DGKB: variants seen among roughly 807,000 people sequenced by gnomAD.
DGKB encodes the protein diacylglycerol kinase beta, also known as 90 kDa diacylglycerol kinase.
Under a neutral mutation model 114.3 loss-of-function variants are expected in DGKB, and 67 were observed. That is an observed-to-expected ratio of 0.59 (90% CI 0.48 to 0.72). DGKB has a LOEUF of 0.72. DGKB is among the 30% of genes least tolerant of loss of function. DGKB has a pLI of 0.00. For missense variants in DGKB, 907 were observed against 975.2 expected (o/e 0.93, Z 0.93); for synonymous variants, 398 against 323.1 (o/e 1.23, Z -2.49).
At chr7:14,366,699 A>G (rs1816734815) in intron 21 of DGKB, among the ~76,000 whole-genome samples, 1 of 152,166 alleles carries the variant, frequency 6.6e-6, no homozygotes, top group African/African-American at 2.4e-5. Context: ...TGAACTGAGA[A>G]GGGATTTTAT....
At chr7:14,690,729 G>C (rs1022045067) in intron 9 of DGKB, among the ~76,000 whole-genome samples, 2 of 152,208 alleles carry the variant, frequency 1.3e-5, no homozygotes, top group African/African-American at 4.8e-5. Context: ...TCCCTCTGCA[G>C]ACAGTTTCCA....
chr7:14,912,822 G>T (rs180990257), intron 1 of DGKB, among the ~76,000 whole-genome samples: 4 of 152,108 alleles, frequency 2.6e-5, no homozygotes, highest in Admixed American at 1.3e-4. Context: ...TGTCCCATAC[G>T]TCTACCTCTT....
chr7:14,856,529 A>G (rs1850174184), intron 1 of DGKB, among the ~76,000 whole-genome samples: 1 of 152,136 alleles, frequency 6.6e-6, no homozygotes, highest in African/African-American at 2.4e-5. Context: ...TTGAACTTTT[A>G]TAAAACTTGT....
rs1378507717 is a variant in DGKB, at chr7:14,549,459, CTATA to C, written c.1770+24749_1770+24752del. On this transcript the variant is annotated intron_variant, in intron 20 of 25. Coordinates refer to ENST00000402815, the MANE Select transcript of DGKB (RefSeq NM_001350709.2). ...CTGTTTTCTTCTTTCACCAAATAACCTATATAGTTATTTTAAAATATTCTATTTA... is the reference window on the plus strand; with the variant it reads ...CTGTTTTCTTCTTTCACCAAATAACCTAGTTATTTTAAAATATTCTATTTA... Among the ~76,000 whole-genome samples, 4 of 146,130 alleles carry C rather than the reference CTATA, an allele frequency of 2.7e-5. No individual in the cohort carries two copies. The East Asian group carries it at 5.8e-4, about 21-fold the overall frequency.
intron 23 of DGKB, among the ~76,000 whole-genome samples, chr7:14,181,753 C>T (rs1297684271): frequency 1.3e-5 from 2 of 152,090 alleles, no homozygotes; most frequent in East Asian, 1.9e-4. Context: ...TAGAGGAAGA[C>T]GTTGCTTTTG....
intron 20 of DGKB, among the ~76,000 whole-genome samples, chr7:14,562,375 C>T (rs993125240): frequency 2.0e-5 from 3 of 152,188 alleles, no homozygotes; most frequent in Non-Finnish European, 4.4e-5. Context: ...CCCACTGGGA[C>T]ACTGCCTAGT....
At chr7:14,926,470 C>A (rs1314744712) in intron 1 of DGKB, among the ~76,000 whole-genome samples, 3 of 150,466 alleles carry the variant, frequency 2.0e-5, no homozygotes, top group African/African-American at 4.9e-5. Flanking sequence ...ATTTTTTTCT[C>A]ATTGCTTTGC....
chr7:14,657,715 C>G lies in DGKB; in HGVS notation c.1134+15214G>C, dbSNP rs867354091. 2.0e-5 allele frequency among the ~76,000 whole-genome samples: 3 copies of G among 152,034 alleles called. No homozygotes were observed. In the South Asian group the frequency reaches 6.2e-4, roughly 31 times the overall value. ...TATGTTCACACCTCCCCACCAGACT[C>G]TGCATTTCTGGAAGTTTTATAACTA... On this transcript the variant is annotated intron_variant, in intron 13 of 25. Coordinates refer to ENST00000402815, the MANE Select transcript of DGKB (RefSeq NM_001350709.2).
At chr7:14,803,674 G>A (rs910575539) in intron 2 of DGKB, among the ~76,000 whole-genome samples, 2 of 115,290 alleles carry the variant, frequency 1.7e-5, no homozygotes, top group African/African-American at 1.1e-4. Flanking sequence ...TGTTGTGTAT[G>A]CGTTTTGGTC....
chr7:14,587,020 T>A (rs1014196625), intron 17 of DGKB, among the ~76,000 whole-genome samples: 1 of 152,124 alleles, frequency 6.6e-6, no homozygotes, highest in Non-Finnish European at 1.5e-5. Context: ...AACTTTCAAG[T>A]CTTATTTAAA....
intron 23 of DGKB, among the ~76,000 whole-genome samples, chr7:14,248,875 C>T (rs1280717141): frequency 6.6e-6 from 1 of 151,818 alleles, no homozygotes; most frequent in African/African-American, 2.4e-5. Context: ...CTATATGTAC[C>T]ATATTGAAAA....
At chr7:14,968,497 A>T (rs909489636) in intron 1 of DGKB, among the ~76,000 whole-genome samples, 9 of 152,192 alleles carry the variant, frequency 5.9e-5, no homozygotes, top group Non-Finnish European at 2.9e-5. Flanking sequence ...GATTGGAAAT[A>T]TAAAAATCCC....
chr7:14,625,697 T>C (rs1222323058), intron 14 of DGKB, among the ~76,000 whole-genome samples: 1 of 152,116 alleles, frequency 6.6e-6, no homozygotes, highest in Non-Finnish European at 1.5e-5. Context: ...TTCTGCCAGA[T>C]AAATCATCCT....
In DGKB at chr7:14,564,610, A is replaced by G. The variant is rs180771395; in HGVS notation, c.1770+9602T>C. On this transcript the variant is annotated intron_variant, in intron 20 of 25. Coordinates refer to ENST00000402815, the MANE Select transcript of DGKB (RefSeq NM_001350709.2). ...TGTATTTTAATATTAAATGGAATTT[A>G]AAAATTCCTCTTGAAAATTTCTTAT... is the stretch of plus-strand genomic sequence containing the variant. Among the ~76,000 whole-genome samples, 9 of 152,314 alleles carry G rather than the reference A, an allele frequency of 5.9e-5. No homozygotes were observed. In the East Asian group the frequency reaches 1.7e-3, roughly 29 times the overall value.
chr7:14,788,973 A>C lies in DGKB; in HGVS notation c.71-31242T>G, dbSNP rs139513793. Among the ~76,000 whole-genome samples the C allele has an allele frequency of 7.3e-3, 1,118 of 152,138 alleles. 11 individuals are homozygous for C. The highest frequency in any genetic ancestry group is 0.013 in the Non-Finnish European group (869 of 68,014). Reference sequence around the variant, plus strand: ...ATAAAGCCCCCTCTGTGTCACAGGCACTCCAGGCGTGCCGAAGGAAAACAG... The same window carrying C: ...ATAAAGCCCCCTCTGTGTCACAGGCCCTCCAGGCGTGCCGAAGGAAAACAG... On this transcript the variant is annotated intron_variant, in intron 2 of 25. Coordinates refer to ENST00000402815, the MANE Select transcript of DGKB (RefSeq NM_001350709.2).
At chr7:14,872,209 A>G (rs1297199631) in intron 1 of DGKB, among the ~76,000 whole-genome samples, 1 of 152,212 alleles carries the variant, frequency 6.6e-6, no homozygotes, top group Non-Finnish European at 1.5e-5. Context: ...CTTATAAATG[A>G]CACCAATTTC....
Position 14,837,322 on chromosome 7 carries a change from T to C in DGKB, c.70+3872A>G, listed in dbSNP as rs149356377. 1.7e-3 allele frequency among the ~76,000 whole-genome samples: 261 copies of C among 152,230 alleles called. 1 individual carries two copies. Among genetic ancestry groups the C allele is most frequent in the African/African-American group, 5.9e-3 (245 of 41,548 alleles). On this transcript the variant is annotated intron_variant, in intron 2 of 25. Transcript: ENST00000402815. The stretch of plus-strand genomic sequence containing the variant: ...ATAGTTACAGGGTGCATTCTGGCAA[T>C]TGTGGAGGAAATGTAAAATCAGATA...
chr7:14,920,008 T>C (rs1477975293), intron 1 of DGKB, among the ~76,000 whole-genome samples: 1 of 152,178 alleles, frequency 6.6e-6, no homozygotes, highest in Admixed American at 6.5e-5. Context: ...AATTACCCTG[T>C]CTCAGGTATT....
chr7:14,380,751 A>G (rs1583526005), intron 21 of DGKB, among the ~76,000 whole-genome samples: 1 of 152,184 alleles, frequency 6.6e-6, no homozygotes, highest in Admixed American at 6.5e-5. Flanking sequence ...AATAGTATAT[A>G]TTTTTTCCAA....
Sources: allele counts gnomAD v4.1 joint callset (sites outside exome capture counted in the v4.1 genomes callset), GRCh38; gene constraint gnomAD v4.1.1; transcripts MANE v1.5; gene names NCBI Gene and HGNC (gene_info 2026-07-23, HGNC 2026-07-21).